Variants in MFN2 observed in about 807,000 individuals in gnomAD.
MFN2 encodes mitofusin 2.
MFN2 carries 43 observed loss-of-function variants against 87.5 expected under a neutral mutation model. The observed-to-expected ratio is 0.49, with a 90% CI of 0.38 to 0.63. The LOEUF (loss-of-function observed/expected upper bound fraction) is 0.63, where lower values mean the gene tolerates loss of function less well. Ranked by LOEUF, MFN2 falls within the 30% of genes least tolerant of loss-of-function variation. The pLI is 0.00. For synonymous variants in MFN2, 337 were observed against 359.9 expected, an observed-to-expected ratio of 0.94 and a Z score of 0.72; for missense variants, 743 against 972.8, an observed-to-expected ratio of 0.76 and a Z score of 3.14.
intron 2 of MFN2, among the ~76,000 whole-genome samples, chr1:11,983,519 C>T (rs1638225553): frequency 6.6e-6 from 1 of 152,210 alleles, no homozygotes; most frequent in African/African-American, 2.4e-5. Flanking sequence ...ATGAGGCAGT[C>T]ACAGCTTGAA....
chr1:12,010,279 G>A (rs774238000), intron 18 of MFN2, among the ~76,000 whole-genome samples: 1 of 152,378 alleles, frequency 6.6e-6, no homozygotes, highest in Non-Finnish European at 1.5e-5. Context: ...TGGCATCACA[G>A]TACTGCGAGA....
intron 4 of MFN2, among the ~76,000 whole-genome samples, chr1:11,994,649 C>G (rs1638834835): frequency 6.6e-6 from 1 of 152,100 alleles, no homozygotes; most frequent in African/African-American, 2.4e-5. Flanking sequence ...GCTAGGCACA[C>G]AGTGGTAGCC....
chr1:12,001,404 C>T lies in MFN2; in HGVS notation c.820C>T (p.Arg274Trp), dbSNP rs762440627. 18 of 1,613,370 alleles carry T rather than the reference C, an allele frequency of 1.1e-5. No homozygotes were observed. The highest frequency in any genetic ancestry group is 1.7e-4 in the Middle Eastern group (1 of 5,826). The change falls in exon 9 of 19, where the codon CGG becomes TGG. Residue 274 changes from arginine to tryptophan, a missense_variant. By Grantham distance (101) the Arg-to-Trp change is moderately radical (BLOSUM62 -3). This residue lies in a region of MFN2 where 571 missense variants were observed against 670.7 expected (regional missense o/e 0.85). Transcript: ENST00000235329. Reference protein sequence around the residue: ...ASEPEYMEEVRRQHMERCTSF... With the variant: ...ASEPEYMEEVWRQHMERCTSF... ...GACACATTTGTTTGGGCTCCAGGTG[C>T]GGCGGCAGCACATGGAGCGTTGTAC...
At chr1:11,992,382 A>T in intron 3 of MFN2, 173 bp from the exon 4 acceptor site, 1 of 786,922 alleles carries the variant, frequency 1.3e-6, no homozygotes, top group Non-Finnish European at 2.2e-6. Context: ...CCATCTTCTT[A>T]ACCACCACAC....
chr1:11,983,191 G>A (rs1646017364), intron 2 of MFN2, among the ~76,000 whole-genome samples: 1 of 152,080 alleles, frequency 6.6e-6, no homozygotes, highest in African/African-American at 2.4e-5. Flanking sequence ...TCCTGCCTCA[G>A]CCTCCCGAGT....
intron 8 of MFN2, 127 bp downstream of exon 8, chr1:11,999,222 C>T: frequency 2.5e-6 from 2 of 807,604 alleles, no homozygotes; most frequent in Non-Finnish European, 4.3e-6. Flanking sequence ...AAAGAATTCT[C>T]CAAATACTCT....
intron 15 of MFN2, 85 bp from the exon 16 acceptor site, chr1:12,006,449 CTGTT>C: frequency 8.4e-6 from 13 of 1,542,964 alleles, no homozygotes; most frequent in African/African-American, 1.4e-5. Flanking sequence ...CTCTGTGTCC[CTGTT>C]CCCCAGACTA....
In MFN2 at chr1:12,012,461, G is replaced by GC. The variant is rs1455115346; in HGVS notation, c.*900dup. On this transcript the variant is annotated 3_prime_UTR_variant, in exon 19 of 19. Coordinates refer to ENST00000235329, the MANE Select transcript of MFN2 (RefSeq NM_014874.4). ...GTTGGTGGCTGGCTGAGGTGCATGG[G>GC]CCCCACACAGGACAGCTGGAGAATG... The GC allele has an allele frequency of 3.9e-5, 6 of 152,208 alleles. No individual in the cohort carries two copies. The highest frequency in any genetic ancestry group is 1.3e-4 in the Admixed American group (2 of 15,250). 9.4% of individuals were successfully genotyped at this position (152,208 alleles called of 1,614,324 possible).
At chr1:12,008,157 C>T (rs1434621574) in intron 17 of MFN2, among the ~76,000 whole-genome samples, 2 of 152,256 alleles carry the variant, frequency 1.3e-5, no homozygotes, top group African/African-American at 2.4e-5. Context: ...TCTTTCTACA[C>T]AGACACAGCA....
chr1:11,994,647 C>T (rs1044564621), intron 4 of MFN2, among the ~76,000 whole-genome samples: 6 of 152,180 alleles, frequency 3.9e-5, no homozygotes, highest in South Asian at 4.1e-4. Context: ...ATGCTAGGCA[C>T]ACAGTGGTAG....
intron 1 of MFN2, 28 bp downstream of exon 1, chr1:11,980,512 G>C: frequency 2.5e-6 from 1 of 398,226 alleles, no homozygotes; most frequent in Non-Finnish European, 4.4e-6. Flanking sequence ...CCGGGGTGGC[G>C]GGGACTGGCC....
intron 3 of MFN2, among the ~76,000 whole-genome samples, chr1:11,989,878 T>C (rs2100804583): frequency 6.6e-6 from 1 of 152,300 alleles, no homozygotes; most frequent in Non-Finnish European, 1.5e-5. Context: ...CAACCTCTAG[T>C]TCCTTGTCTA....
At chr1:11,986,010 TGC>T (rs1638389024) in intron 2 of MFN2, among the ~76,000 whole-genome samples, 2 of 152,178 alleles carry the variant, frequency 1.3e-5, no homozygotes, top group Admixed American at 6.6e-5. Flanking sequence ...TGTGGCGTCA[TGC>T]TGAGGAGGAA....
At chr1:12,010,656 C>G (rs1394746904) in intron 18 of MFN2, among the ~76,000 whole-genome samples, 5 of 152,156 alleles carry the variant, frequency 3.3e-5, no homozygotes, top group Non-Finnish European at 5.9e-5. Context: ...TCTGAGGAGT[C>G]TGGAGTCCTG....
chr1:12,001,758 A>C lies in MFN2; in HGVS notation c.971-11A>C. 6.2e-7 allele frequency: 1 copy of C among 1,614,100 alleles called. No homozygotes were observed. Among genetic ancestry groups the C allele is most frequent in the South Asian group, 1.1e-5 (1 of 91,086 alleles). ...AGTTGTTTCTGGACTAATGCAGTAC[A>C]ATCCTCCTAGGGGGCGCTCTCGCAG... is the stretch of plus-strand genomic sequence containing the variant. On this transcript the variant is annotated splice_polypyrimidine_tract_variant and intron_variant, in intron 9 of 18. Transcript: ENST00000235329.
rs1553141485 is a variant in MFN2 at position 11,991,949 on chromosome 1, A to AAAG, written c.176-604_176-603insGAA. Among the ~76,000 whole-genome samples, 267 of 144,928 alleles carry AAAG rather than the reference A, an allele frequency of 1.8e-3. 12 individuals carry two copies. The highest frequency in any genetic ancestry group is 6.9e-3 in the African/African-American group (259 of 37,598). On this transcript the variant is annotated intron_variant, in intron 3 of 18. Transcript: ENST00000235329. Reference sequence around the variant, plus strand: ...AAAAAAAAAAAAAAAAAAAAAAAAAAAAAGAAGTGACATAGAGTGGTTAAG... The same window carrying AAAG: ...AAAAAAAAAAAAAAAAAAAAAAAAAAAAGAAAGAAGTGACATAGAGTGGTTAAG...
intron 17 of MFN2, among the ~76,000 whole-genome samples, chr1:12,008,925 A>T (rs1639564113): frequency 6.6e-6 from 1 of 152,240 alleles, no homozygotes; most frequent in Non-Finnish European, 1.5e-5. Context: ...GCACTGAGTG[A>T]ACGAGACTCC....
intron 8 of MFN2, among the ~76,000 whole-genome samples, chr1:11,999,572 G>T (rs1465931360): frequency 6.6e-6 from 1 of 151,956 alleles, no homozygotes; most frequent in South Asian, 2.1e-4. Context: ...TGCCCACGCT[G>T]GTTTTGAACT....
At chr1:12,007,327 C>T (rs1639469796) in intron 17 of MFN2, 78 bp downstream of exon 17, 1 of 1,539,884 alleles carries the variant, frequency 6.5e-7, no homozygotes, top group South Asian at 1.2e-5. Flanking sequence ...CATCTCTCTT[C>T]CCACGTGGCC....
Sources: gnomAD v4.1 joint callset for allele counts (sites outside exome capture counted in the v4.1 genomes callset) on GRCh38, gnomAD v4.1.1 for gene constraint, gnomAD v4.1.1 regional missense constraint, MANE v1.5 for transcripts, NCBI Gene and HGNC (gene_info 2026-07-23, HGNC 2026-07-21) for gene names.